Variants in FOXN1 observed in about 807,000 individuals in gnomAD.
FOXN1 encodes the protein forkhead box N1, also known as forkhead box protein N1.
Under a neutral mutation model 49.0 loss-of-function variants are expected in FOXN1, and 15 were observed. The observed-to-expected ratio is 0.31, with a 90% CI of 0.20 to 0.47. The LOEUF (loss-of-function observed/expected upper bound fraction) is 0.47. FOXN1 is among the 20% of genes least tolerant of loss of function. The pLI is 1.00. For missense variants in FOXN1, 800 were observed against 842.8 expected (o/e 0.95, Z 0.63); for synonymous variants, 356 against 369.0 (o/e 0.96, Z 0.40).
intron 3 of FOXN1, 26 bp downstream of exon 3, chr17:28,524,993 C>T: frequency 2.0e-6 from 3 of 1,523,440 alleles, no homozygotes; most frequent in Admixed American, 1.7e-5. Flanking sequence ...CAGCGAGTGT[C>T]CCATCTTCCC....
intron 1 of FOXN1, among the ~76,000 whole-genome samples, chr17:28,517,868 T>C (rs1359823311): frequency 1.0e-4 from 12 of 118,338 alleles, no homozygotes; most frequent in South Asian, 2.9e-4. Context: ...ACAGGATCCA[T>C]ACCTCCACAG....
intron 1 of FOXN1, 64 bp from the exon 2 acceptor site, chr17:28,523,892 C>A (rs528202630): frequency 1.3e-6 from 2 of 1,570,056 alleles, no homozygotes; most frequent in South Asian, 2.2e-5. Flanking sequence ...GTGGAGGTGG[C>A]GAACCTGGGT....
In FOXN1 at chr17:28,524,891, T is replaced by A; in HGVS notation, c.512T>A (p.Phe171Tyr). Residue 171 changes from phenylalanine (F) to tyrosine (Y), a missense_variant, in exon 3 of 9, where the codon TTC becomes TAC. Physicochemically the swap from Phe to Tyr is conservative, Grantham distance 22 (BLOSUM62 3). Coordinates refer to ENST00000579795, the MANE Select transcript of FOXN1 (RefSeq NM_001369369.1). ...GTGGACGTGGCGGAGGCCGAGGCCT[T>A]CCTGCCTGGCTTCTCAGCAGAGGCC... The part of the protein sequence containing the change: ...IPVDVAEAEA[F>Y]LPGFSAEAWC... 1 of 1,613,518 alleles carries A rather than the reference T, an allele frequency of 6.2e-7. No homozygotes were observed. The highest frequency in any genetic ancestry group is 8.5e-7 in the Non-Finnish European group (1 of 1,180,006).
intron 1 of FOXN1, among the ~76,000 whole-genome samples, chr17:28,514,441 C>G (rs1332321816): frequency 6.6e-6 from 1 of 152,104 alleles, no homozygotes; most frequent in African/African-American, 2.4e-5. Flanking sequence ...TCAGAACTTC[C>G]AACATTGATG....
At chr17:28,509,326 G>A (rs539713203) in intron 1 of FOXN1, among the ~76,000 whole-genome samples, 15 of 114,814 alleles carry the variant, frequency 1.3e-4, no homozygotes, top group South Asian at 8.9e-4. Flanking sequence ...ACTCATCCCC[G>A]TCCCCAAACT....
intron 3 of FOXN1, among the ~76,000 whole-genome samples, 165 bp downstream of exon 3, chr17:28,525,132 G>C (rs959944970): frequency 3.9e-5 from 6 of 152,108 alleles, no homozygotes; most frequent in Admixed American, 3.3e-4. Flanking sequence ...AGGGGTGTTG[G>C]CCTGGCCAGC....
chr17:28,510,432 A>T (rs1204867196), intron 1 of FOXN1, among the ~76,000 whole-genome samples: 1 of 151,762 alleles, frequency 6.6e-6, no homozygotes, highest in African/African-American at 2.4e-5. Context: ...AATGGGGTGC[A>T]TCCCTGGAAC....
At chr17:28,510,399 C>T (rs911952729) in intron 1 of FOXN1, among the ~76,000 whole-genome samples, 3 of 151,996 alleles carry the variant, frequency 2.0e-5, no homozygotes, top group Non-Finnish European at 2.9e-5. Flanking sequence ...CAGACACACG[C>T]GCACGCACAC....
chr17:28,512,877 G>A (rs1597531610), intron 1 of FOXN1, among the ~76,000 whole-genome samples: 1 of 152,288 alleles, frequency 6.6e-6, no homozygotes, highest in South Asian at 2.1e-4. Flanking sequence ...GGATGCTTAG[G>A]TGGGAGGTCT....
At position 28,534,832 on chromosome 17, in the gene FOXN1, C is replaced by T; in HGVS notation, c.1261C>T (p.Pro421Ser). ...RPLAPPAGLS[P>S]PLHSLHPAPG... Reference sequence around the variant, plus strand: ...CCTGGCACCCCCAGCTGGCCTCTCCCCACCACTGCACTCACTCCACCCAGC... The same window carrying T: ...CCTGGCACCCCCAGCTGGCCTCTCCTCACCACTGCACTCACTCCACCCAGC... The change falls in exon 8 of 9, where the codon CCA (proline) becomes TCA (serine). Residue 421 changes from proline to serine, a missense_variant. Coordinates refer to ENST00000579795, the MANE Select transcript of FOXN1 (RefSeq NM_001369369.1). This position sits in a 1 kb window ranked among gnomAD's most constrained non-coding sequence, Gnocchi z 4.1. 3 of 1,613,954 alleles carry T rather than the reference C, an allele frequency of 1.9e-6. No homozygotes were observed. The highest frequency in any genetic ancestry group is 2.5e-6 in the Non-Finnish European group (3 of 1,179,838).
At chr17:28,508,814 G>A (rs1447694639) in intron 1 of FOXN1, among the ~76,000 whole-genome samples, 1 of 152,170 alleles carries the variant, frequency 6.6e-6, no homozygotes, top group Non-Finnish European at 1.5e-5. Context: ...CCGAGGTCCT[G>A]CAGGTATGCC....
At chr17:28,514,325 T>C (rs2069449922) in intron 1 of FOXN1, among the ~76,000 whole-genome samples, 1 of 152,198 alleles carries the variant, frequency 6.6e-6, no homozygotes, top group Non-Finnish European at 1.5e-5. Flanking sequence ...CTGCCCATTC[T>C]GTCCCTACCT....
intron 4 of FOXN1, among the ~76,000 whole-genome samples, chr17:28,527,887 C>T (rs2069810029): frequency 6.6e-6 from 1 of 152,358 alleles, no homozygotes; most frequent in Non-Finnish European, 1.5e-5. Context: ...CCCTTTCCTC[C>T]TTTCCCAGCT....
Position 28,534,731 on chromosome 17 carries a change from A to T in FOXN1, c.1160A>T (p.Asp387Val). The T allele has an allele frequency of 6.2e-7, 1 of 1,613,472 alleles. No individual in the cohort carries two copies. The highest frequency in any genetic ancestry group is 8.5e-7 in the Non-Finnish European group (1 of 1,179,888). Residue 387 changes from aspartate to valine, a missense_variant, in exon 8 of 9, where the codon GAC (aspartate) becomes GTC (valine). Asp to Val is a radical substitution (Grantham distance 152). Transcript: ENST00000579795. This position sits in a 1 kb window ranked among gnomAD's most constrained non-coding sequence, Gnocchi z 4.1. ...GAAGAGCTGGACAGCCTCATTGGAG[A>T]CAAGAGAGAAAAGCTGGGCTCCCCA... ...KPEELDSLIG[D>V]KREKLGSPLL...
In FOXN1 at chr17:28,534,778, G is replaced by A. The variant is rs1365407291; in HGVS notation, c.1207G>A (p.Gly403Arg). The part of the protein sequence containing the change: ...GSPLLGCPPP[G>R]LSGSGPIRPL... ...CCCACTCCTGGGCTGTCCGCCCCCT[G>A]GGCTGTCCGGCTCAGGCCCCATCCG... The change falls in exon 8 of 9, where the codon GGG (glycine) becomes AGG (arginine). Residue 403 changes from glycine (G) to arginine (R), a missense_variant. Gly to Arg is a moderately radical substitution (Grantham distance 125). Coordinates refer to ENST00000579795, the MANE Select transcript of FOXN1 (RefSeq NM_001369369.1). This position sits in a 1 kb window ranked among gnomAD's most constrained non-coding sequence, Gnocchi z 4.1. 2 of 1,613,524 alleles carry A rather than the reference G, an allele frequency of 1.2e-6. No individual in the cohort carries two copies. Among genetic ancestry groups the A allele is most frequent in the Non-Finnish European group, 1.7e-6 (2 of 1,179,756 alleles).
intron 8 of FOXN1, among the ~76,000 whole-genome samples, chr17:28,535,785 C>A (rs2070048739): frequency 6.6e-6 from 1 of 152,214 alleles, no homozygotes; most frequent in Admixed American, 6.5e-5. Flanking sequence ...TCTGGAGAGA[C>A]TGCAAAGGGC....
At chr17:28,510,151 C>T (rs2069358129) in intron 1 of FOXN1, among the ~76,000 whole-genome samples, 1 of 152,136 alleles carries the variant, frequency 6.6e-6, no homozygotes, top group African/African-American at 2.4e-5. Flanking sequence ...TGACCCTCGC[C>T]CTCCACCCCA....
intron 1 of FOXN1, among the ~76,000 whole-genome samples, chr17:28,519,414 A>T (rs1294425502): frequency 6.6e-6 from 1 of 151,956 alleles, no homozygotes; most frequent in Non-Finnish European, 1.5e-5. Flanking sequence ...ACAGTCTGCC[A>T]GTGAGAGCCT....
intron 1 of FOXN1, among the ~76,000 whole-genome samples, chr17:28,509,724 C>A (rs879958139): frequency 2.0e-5 from 3 of 152,270 alleles, no homozygotes; most frequent in Non-Finnish European, 4.4e-5. Context: ...GACCTCCACA[C>A]TGCGGGCATG....
Sources: gnomAD v4.1 joint callset for allele counts (sites outside exome capture counted in the v4.1 genomes callset) on GRCh38, gnomAD v4.1.1 for gene constraint, Gnocchi (gnomAD v3.1) non-coding constraint, MANE v1.5 for transcripts, NCBI Gene and HGNC (gene_info 2026-07-23, HGNC 2026-07-21) for gene names.